Variants in POC1A observed in about 807,000 individuals in gnomAD.
POC1A encodes POC1 centriolar protein A, also known as POC1 centriolar protein homolog A.
A neutral mutation model predicts 47.8 loss-of-function variants in POC1A; 34 were observed. The observed-to-expected ratio is 0.71, with a 90% CI of 0.54 to 0.95. POC1A has a LOEUF of 0.95. Among genes scored for constraint, POC1A ranks in the 40% least tolerant of loss-of-function variants. The pLI, the probability that POC1A is intolerant of heterozygous loss-of-function variation, is 0.00. For missense variants in POC1A, 466 were observed against 528.3 expected, an observed-to-expected ratio of 0.88 and a Z score of 1.16; for synonymous variants, 177 against 207.6, an observed-to-expected ratio of 0.85 and a Z score of 1.27.
chr3:52,124,941 C>T (rs572134578), intron 8 of POC1A, among the ~76,000 whole-genome samples, 172 bp downstream of exon 8: 1 of 152,274 alleles, frequency 6.6e-6, no homozygotes, highest in South Asian at 2.1e-4. Flanking sequence ...GTGGCAAGGC[C>T]CCTGGATCTG....
chr3:52,144,702 A>G (rs1296356781), intron 6 of POC1A, among the ~76,000 whole-genome samples: 2 of 152,162 alleles, frequency 1.3e-5, no homozygotes, highest in Admixed American at 6.5e-5. Context: ...GACCTGCCCA[A>G]TATCACACAG....
chr3:52,117,292 G>A (rs1231797477), intron 9 of POC1A, among the ~76,000 whole-genome samples: 2 of 152,064 alleles, frequency 1.3e-5, no homozygotes, highest in Non-Finnish European at 1.5e-5. Flanking sequence ...GGTTGAAGCT[G>A]CAGTGAGCCA....
intron 7 of POC1A, among the ~76,000 whole-genome samples, chr3:52,134,340 A>G (rs990981632): frequency 6.6e-5 from 10 of 152,238 alleles, no homozygotes; most frequent in Non-Finnish European, 1.5e-4. Context: ...TAAGTAAATA[A>G]AAACAAGAAG....
Position 52,143,914 on chromosome 3 carries a change from G to T in POC1A, c.679+1932C>A, listed in dbSNP as rs769933215. Among the ~76,000 whole-genome samples the T allele has an allele frequency of 7.9e-5, 12 of 152,294 alleles. No individual in the cohort carries two copies. The South Asian group carries it at 1.5e-3, about 18-fold the overall frequency. On this transcript the variant is annotated intron_variant, in intron 6 of 10. Transcript: ENST00000296484. ...CCAAGGCCCTTCCCAAGGGGTACCT[G>T]CTGTTATACCCATGAACACCAGGCC...
At chr3:52,114,501 C>G (rs577251889) in intron 9 of POC1A, among the ~76,000 whole-genome samples, 50 of 152,290 alleles carry the variant, frequency 3.3e-4, no homozygotes, top group African/African-American at 1.2e-3. Context: ...GGGGAAGGCA[C>G]GGTTATCTGT....
chr3:52,086,776 C>T (rs1415672819), intron 10 of POC1A, among the ~76,000 whole-genome samples: 1 of 152,234 alleles, frequency 6.6e-6, no homozygotes. Flanking sequence ...AGGGTACAAA[C>T]GATGCCCCTC....
Position 52,084,664 on chromosome 3 carries a change from G to GC in POC1A, c.1126-8680dup, listed in dbSNP as rs888000625. Among the ~76,000 whole-genome samples the GC allele has an allele frequency of 3.9e-5, 6 of 152,252 alleles. No homozygotes were observed. Among genetic ancestry groups the GC allele is most frequent in the East Asian group, 1.9e-4 (1 of 5,172 alleles). ...CGAGGCTTCCCCAGTCCATCCCCCT[G>GC]CCCCCCCAGCTCTGGGGCAGCCCCT... On this transcript the variant is annotated intron_variant, in intron 10 of 10. Transcript: ENST00000296484. The surrounding 1 kb of genome is among the most constrained non-coding windows in gnomAD (Gnocchi z 4.3).
At chr3:52,101,837 C>A (rs1703015132) in intron 9 of POC1A, among the ~76,000 whole-genome samples, 1 of 152,090 alleles carries the variant, frequency 6.6e-6, no homozygotes, top group Non-Finnish European at 1.5e-5. Flanking sequence ...AAATTGTCAG[C>A]TTTGGTTTTT....
intron 5 of POC1A, 138 bp from the exon 6 acceptor site, chr3:52,146,099 C>A: frequency 1.6e-6 from 1 of 611,888 alleles, no homozygotes; most frequent in South Asian, 1.9e-5. Flanking sequence ...TTCTGTCACA[C>A]TTGTTTACCA....
At chr3:52,119,720 A>G (rs993465430) in intron 9 of POC1A, among the ~76,000 whole-genome samples, 8 of 152,130 alleles carry the variant, frequency 5.3e-5, no homozygotes, top group Non-Finnish European at 1.5e-5. Context: ...GGTTGTCACA[A>G]CTTGGGTTGG....
intron 10 of POC1A, among the ~76,000 whole-genome samples, chr3:52,094,410 G>T (rs2106965340): frequency 6.6e-6 from 1 of 152,366 alleles, no homozygotes; most frequent in East Asian, 1.9e-4. Context: ...CCTCTGCTGG[G>T]CCAATGCCAA....
chr3:52,138,065 G>A, intron 7 of POC1A, 104 bp downstream of exon 7: 1 of 1,257,362 alleles, frequency 8.0e-7, no homozygotes, highest in Non-Finnish European at 1.1e-6. Flanking sequence ...CCATCTCCCT[G>A]CAGGCTGTGT....
intron 9 of POC1A, among the ~76,000 whole-genome samples, chr3:52,120,251 TTA>T (rs10577350): frequency 0.96 from 145,628 of 152,098 alleles, 69,762 homozygotes; most frequent in East Asian, 1. Context: ...AAACTTTGTG[TTA>T]TATATATATA....
At chr3:52,130,611 A>G (rs1704176540) in intron 7 of POC1A, among the ~76,000 whole-genome samples, 1 of 151,952 alleles carries the variant, frequency 6.6e-6, no homozygotes. Flanking sequence ...ATGTCCTCTC[A>G]CCTCTCACAG....
chr3:52,143,537 C>A (rs759157457), intron 6 of POC1A, among the ~76,000 whole-genome samples: 1 of 152,158 alleles, frequency 6.6e-6, no homozygotes, highest in Non-Finnish European at 1.5e-5. Context: ...GGACCTTTAT[C>A]TTCTGTGGCC....
At chr3:52,129,101 G>A (rs750754011) in intron 7 of POC1A, among the ~76,000 whole-genome samples, 29 of 152,006 alleles carry the variant, frequency 1.9e-4, no homozygotes, top group Non-Finnish European at 2.9e-4. Flanking sequence ...TCAACATGGC[G>A]AAACCCCATC....
chr3:52,123,733 C>G (rs1219651970), intron 8 of POC1A, among the ~76,000 whole-genome samples: 1 of 152,218 alleles, frequency 6.6e-6, no homozygotes, highest in Non-Finnish European at 1.5e-5. Context: ...CAATGTCACT[C>G]TGAAAAAGCT....
intron 7 of POC1A, among the ~76,000 whole-genome samples, chr3:52,125,438 G>A (rs1703961139): frequency 6.6e-6 from 1 of 152,176 alleles, no homozygotes; most frequent in Non-Finnish European, 1.5e-5. Flanking sequence ...ACAGAGATGA[G>A]TGAATGGGAC....
chr3:52,107,543 C>T (rs61333587), intron 9 of POC1A, among the ~76,000 whole-genome samples: 2,745 of 152,286 alleles, frequency 0.018, 95 homozygotes, highest in African/African-American at 0.063. Context: ...TTCAGCTCCA[C>T]GTACACTCCC....
Sources: gnomAD v4.1 joint callset for allele counts (sites outside exome capture counted in the v4.1 genomes callset) on GRCh38, gnomAD v4.1.1 for gene constraint, Gnocchi (gnomAD v3.1) non-coding constraint, MANE v1.5 for transcripts, NCBI Gene and HGNC (gene_info 2026-07-23, HGNC 2026-07-21) for gene names.